TIMMDC1: variants seen among roughly 807,000 people sequenced by gnomAD.
The protein encoded by TIMMDC1 is translocase of inner mitochondrial membrane domain containing 1.
TIMMDC1 carries 25 observed loss-of-function variants against 32.6 expected under a neutral mutation model. The observed-to-expected ratio is 0.77, with a 90% CI of 0.56 to 1.07. The LOEUF is 1.07. Among genes scored for constraint, TIMMDC1 ranks in the 50% least tolerant of loss-of-function variants. The probability of loss-of-function intolerance (pLI) is 0.00; values close to 1 mark genes in which losing one functional copy is unlikely to be tolerated. For synonymous variants in TIMMDC1, 130 were observed against 127.6 expected (o/e 1.02, Z -0.13); for missense variants, 329 against 349.2 (o/e 0.94, Z 0.46).
Position 119,498,845 on chromosome 3 carries a change from C to G in TIMMDC1, c.112C>G (p.Arg38Gly), listed in dbSNP as rs750942894. Residue 38 changes from arginine to glycine, a missense_variant, in exon 1 of 7, where the codon CGT (arginine) becomes GGT (glycine). By Grantham distance (125) the Arg-to-Gly change is moderately radical (BLOSUM62 -2). Transcript: ENST00000494664. ...TGCCGATTCGGAAGTCCTTGAGGAG[C>G]GTCAGAAGCGGCTTCCCTACGTCCC... ...VTADSEVLEE[R>G]QKRLPYVPEP... The G allele has an allele frequency of 1.2e-5, 19 of 1,613,984 alleles. No individual in the cohort carries two copies. The highest frequency in any genetic ancestry group is 2.2e-5 in the East Asian group (1 of 44,882).
chr3:119,508,205 C>G (rs1202393920), intron 4 of TIMMDC1, among the ~76,000 whole-genome samples: 2 of 152,106 alleles, frequency 1.3e-5, no homozygotes, highest in African/African-American at 4.8e-5. Flanking sequence ...GTGTGGGGAC[C>G]CTCTATGATT....
At chr3:119,501,556 A>C (rs544055364) in intron 2 of TIMMDC1, among the ~76,000 whole-genome samples, 1 of 152,328 alleles carries the variant, frequency 6.6e-6, no homozygotes, top group South Asian at 2.1e-4. Flanking sequence ...TTATAATATC[A>C]AGATCAGGAA....
At chr3:119,504,184 G>C (rs2081900814) in intron 4 of TIMMDC1, among the ~76,000 whole-genome samples, 163 bp downstream of exon 4, 1 of 152,206 alleles carries the variant, frequency 6.6e-6, no homozygotes, top group Non-Finnish European at 1.5e-5. Flanking sequence ...CTTCACCCTT[G>C]ATATACTCAA....
intron 4 of TIMMDC1, among the ~76,000 whole-genome samples, chr3:119,505,058 A>G (rs1577096621): frequency 6.6e-6 from 1 of 150,758 alleles, no homozygotes; most frequent in African/African-American, 2.5e-5. Context: ...AACCTGGGCA[A>G]CAAGAGTGAA....
intron 2 of TIMMDC1, among the ~76,000 whole-genome samples, chr3:119,501,215 A>G (rs1474683673): frequency 6.6e-6 from 1 of 152,242 alleles, no homozygotes; most frequent in African/African-American, 2.4e-5. Context: ...AATAGTTAAC[A>G]TTTATAACTT....
intron 6 of TIMMDC1, among the ~76,000 whole-genome samples, chr3:119,520,984 C>A (rs546798174): frequency 6.6e-5 from 10 of 152,180 alleles, no homozygotes; most frequent in African/African-American, 2.2e-4. Flanking sequence ...AGGAAAAAAA[C>A]CATATGATCA....
At chr3:119,505,909 T>G (rs2081916092) in intron 4 of TIMMDC1, among the ~76,000 whole-genome samples, 2 of 150,994 alleles carry the variant, frequency 1.3e-5, no homozygotes. Context: ...AATTTGAACT[T>G]TTTTTTTTAA....
chr3:119,500,404 G>A (rs4687863), intron 1 of TIMMDC1: 93,660 of 285,402 alleles, frequency 0.33, 16,829 homozygotes, highest in African/African-American at 0.53. Flanking sequence ...GCTGTACCCA[G>A]CACTAAGAAA....
rs757959185 is a variant in TIMMDC1, at chr3:119,524,357, A to C, written c.*601A>C. On this transcript the variant is annotated 3_prime_UTR_variant, in exon 7 of 7. Coordinates refer to ENST00000494664, the MANE Select transcript of TIMMDC1 (RefSeq NM_016589.4). ...ATTGCTGACAAAGTATCTGCTGTAG[A>C]ATACAGGAATTACTTAGAATAGAAA... is the stretch of plus-strand genomic sequence containing the variant. The C allele has an allele frequency of 3.9e-5, 6 of 152,280 alleles. No individual in the cohort carries two copies. Among genetic ancestry groups the C allele is most frequent in the Non-Finnish European group, 8.8e-5 (6 of 68,062 alleles). The allele number at this position is 152,280 out of a possible 1,614,324, so 9.4% of individuals were successfully genotyped here.
chr3:119,524,267 C>T lies in TIMMDC1; in HGVS notation c.*511C>T, dbSNP rs1303085370. On this transcript the variant is annotated 3_prime_UTR_variant, in exon 7 of 7. Coordinates refer to ENST00000494664, the MANE Select transcript of TIMMDC1 (RefSeq NM_016589.4). ...TTTCTTTGACACTTGAAATAAAATA[C>T]AAATTCAACAAAAAGTAGATCAGCA... 2 of 152,188 alleles carry T rather than the reference C, an allele frequency of 1.3e-5. No individual in the cohort carries two copies. The highest frequency in any genetic ancestry group is 2.9e-5 in the Non-Finnish European group (2 of 68,054). 9.4% of individuals were successfully genotyped at this position (152,188 alleles called of 1,614,324 possible).
intron 1 of TIMMDC1, among the ~76,000 whole-genome samples, chr3:119,499,833 G>A (rs2081856477): frequency 2.0e-5 from 3 of 152,210 alleles, no homozygotes; most frequent in African/African-American, 7.2e-5. Flanking sequence ...AGCTTCTTAT[G>A]CATTTGAGAG....
intron 4 of TIMMDC1, among the ~76,000 whole-genome samples, chr3:119,508,473 TTGTTGTTAGGAATAAGTGATAAAC>T (rs1324150003): frequency 1.3e-5 from 2 of 152,242 alleles, no homozygotes; most frequent in Non-Finnish European, 2.9e-5. Context: ...AGCTTTTTAC[TTGTTGTTAGGAATAAGTGATAAAC>T]TCTAAACTTC....
In TIMMDC1 at chr3:119,498,821, G is replaced by T; in HGVS notation, c.88G>T (p.Ala30Ser). The T allele has an allele frequency of 6.2e-7, 1 of 1,614,154 alleles. No individual in the cohort carries two copies. The highest frequency in any genetic ancestry group is 1.1e-5 in the South Asian group (1 of 91,082). ...AGTCTTTGCTGCCGAAGCTGTGACT[G>T]CCGATTCGGAAGTCCTTGAGGAGCG... is the stretch of plus-strand genomic sequence containing the variant. Reference protein sequence around the residue: ...PRVFAAEAVTADSEVLEERQK... With the variant: ...PRVFAAEAVTSDSEVLEERQK... Residue 30 changes from alanine to serine, a missense_variant, in exon 1 of 7, where the codon GCC (alanine) becomes TCC (serine). Physicochemically the swap from Ala to Ser is moderately conservative, Grantham distance 99 (BLOSUM62 1). Coordinates refer to ENST00000494664, the MANE Select transcript of TIMMDC1 (RefSeq NM_016589.4).
intron 6 of TIMMDC1, among the ~76,000 whole-genome samples, chr3:119,518,966 A>G (rs538196926): frequency 3.3e-5 from 5 of 152,254 alleles, no homozygotes; most frequent in Non-Finnish European, 7.3e-5. Context: ...ATGAAGGAGA[A>G]ATAGTCTTCT....
rs751191663 is a variant in TIMMDC1, at chr3:119,500,744, G to A, written c.244G>A (p.Ala82Thr). 1 of 1,614,108 alleles carries A rather than the reference G, an allele frequency of 6.2e-7. No individual in the cohort carries two copies. The change falls in exon 2 of 7, where the codon GCT becomes ACT. Residue 82 changes from alanine to threonine, a missense_variant. Transcript: ENST00000494664. The stretch of plus-strand genomic sequence containing the variant: ...CCTTGCTAATATCTGTAAGACGGCA[G>A]CTACAGCAGGCATCATTGGCTGGGT... ...KDLANICKTA[A>T]TAGIIGWVYG...
intron 5 of TIMMDC1, 56 bp from the exon 6 acceptor site, chr3:119,517,149 T>G (rs1041272239): frequency 5.6e-6 from 6 of 1,063,872 alleles, no homozygotes; most frequent in Non-Finnish European, 8.7e-6. Flanking sequence ...GAATCTCACA[T>G]GTTGCAAGGT....
At chr3:119,522,052 A>ACT (rs2082029842) in intron 6 of TIMMDC1, among the ~76,000 whole-genome samples, 1 of 152,200 alleles carries the variant, frequency 6.6e-6, no homozygotes, top group Non-Finnish European at 1.5e-5. Flanking sequence ...AATCTTCCCT[A>ACT]CTAGGTATTT....
chr3:119,510,478 G>A (rs2081946019), intron 4 of TIMMDC1, among the ~76,000 whole-genome samples: 1 of 151,746 alleles, frequency 6.6e-6, no homozygotes, highest in African/African-American at 2.4e-5. Flanking sequence ...TGATTATTAA[G>A]AGCATAGCAA....
Position 119,524,743 on chromosome 3 carries a change from G to C in TIMMDC1, c.*987G>C, listed in dbSNP as rs1031621334. On this transcript the variant is annotated 3_prime_UTR_variant, in exon 7 of 7. Transcript: ENST00000494664. ...GTGAATTGTGGAAGGCAGTTTTAGA[G>C]AAAGGAGTCATGAGTAACATGAACA... 2 of 152,220 alleles carry C rather than the reference G, an allele frequency of 1.3e-5. No homozygotes were observed. Among genetic ancestry groups the C allele is most frequent in the Admixed American group, 6.5e-5 (1 of 15,286 alleles). The allele number at this position is 152,220 out of a possible 1,614,324, so 9.4% of individuals were successfully genotyped here.
Sources: gnomAD v4.1 joint callset for allele counts (sites outside exome capture counted in the v4.1 genomes callset) on GRCh38, gnomAD v4.1.1 for gene constraint, MANE v1.5 for transcripts, NCBI Gene and HGNC (gene_info 2026-07-23, HGNC 2026-07-21) for gene names.